Variants in CCDC183 observed in about 807,000 individuals in gnomAD.
CCDC183 encodes coiled-coil domain-containing protein 183.
A neutral mutation model predicts 65.2 loss-of-function variants in CCDC183; 63 were observed. The observed-to-expected ratio is 0.97, with a 90% confidence interval of 0.79 to 1.19. The LOEUF is 1.19. Ranked by LOEUF, CCDC183 falls within the 50% of genes most tolerant of loss-of-function variation. The pLI, the probability that CCDC183 is intolerant of heterozygous loss-of-function variation, is 0.00. For missense variants in CCDC183, 769 were observed against 689.3 expected (o/e 1.12, Z -1.30); for synonymous variants, 323 against 276.5 (o/e 1.17, Z -1.67).
At chr9:136,801,687 T>TA (rs1847738981) in intron 5 of CCDC183, among the ~76,000 whole-genome samples, 1 of 152,088 alleles carries the variant, frequency 6.6e-6, no homozygotes, top group South Asian at 2.1e-4. Context: ...GCCTGGGTGA[T>TA]AGAGTGAGAT....
rs1588336696 is a variant in CCDC183, at chr9:136,806,062, C to A, written c.949-16C>A. On this transcript the variant is annotated splice_polypyrimidine_tract_variant and intron_variant, in intron 9 of 13. Transcript: ENST00000338005. ...TCCTGGCCCACACCTGCTTCTCTCTCCCCCGGACTGGCCAGGACATCACTA... is the reference window on the plus strand; with the variant it reads ...TCCTGGCCCACACCTGCTTCTCTCTACCCCGGACTGGCCAGGACATCACTA... 6.5e-7 allele frequency: 1 copy of A among 1,546,200 alleles called. No homozygotes were observed. Among genetic ancestry groups the A allele is most frequent in the Non-Finnish European group, 8.7e-7 (1 of 1,145,446 alleles).
In CCDC183 at chr9:136,807,591, C is replaced by A. The variant is rs1847886360; in HGVS notation, c.1506C>A (p.Asp502Glu). The A allele has an allele frequency of 6.2e-7, 1 of 1,605,452 alleles. No individual in the cohort carries two copies. Among genetic ancestry groups the A allele is most frequent in the South Asian group, 1.1e-5 (1 of 89,950 alleles). The change falls in exon 14 of 14, where the codon GAC (aspartate) becomes GAA (glutamate). Residue 502 changes from aspartate (D) to glutamate (E), a missense_variant. Coordinates refer to ENST00000338005, the MANE Select transcript of CCDC183 (RefSeq NM_001039374.5). Reference sequence around the variant, plus strand: ...CCGCAGACACCTTCCAGTTCCCCGACATGGACCACAGCTACGTCCCTTCGC... The same window carrying A: ...CCGCAGACACCTTCCAGTTCCCCGAAATGGACCACAGCTACGTCCCTTCGC... The part of the protein sequence containing the change: ...EDMIDTFQFP[D>E]MDHSYVPSRA...
chr9:136,804,137 G>A lies in CCDC183; in HGVS notation c.667-365G>A. ...CGTGAGCAGGGGTTAGCAGATGACG[G>A]TTTTAGCTGCCCAAGGGCACGCTGG... is the stretch of plus-strand genomic sequence containing the variant. On this transcript the variant is annotated intron_variant, in intron 6 of 13. Coordinates refer to ENST00000338005, the MANE Select transcript of CCDC183 (RefSeq NM_001039374.5). The surrounding 1 kb of genome is among the most constrained non-coding windows in gnomAD (Gnocchi z 4.1). 3.9e-6 allele frequency: 1 copy of A among 257,312 alleles called. No individual in the cohort carries two copies. The highest frequency in any genetic ancestry group is 7.7e-6 in the Non-Finnish European group (1 of 129,262). 15.9% of individuals were successfully genotyped at this position (257,312 alleles called of 1,614,324 possible).
Position 136,807,594 on chromosome 9 carries a change from G to T in CCDC183, c.1509G>T (p.Met503Ile), listed in dbSNP as rs754755517. The change falls in exon 14 of 14, where the codon ATG (methionine) becomes ATT (isoleucine). Residue 503 changes from methionine (M) to isoleucine (I), a missense_variant. By Grantham distance (10) the Met-to-Ile change is conservative. Coordinates refer to ENST00000338005, the MANE Select transcript of CCDC183 (RefSeq NM_001039374.5). ...DMIDTFQFPDMDHSYVPSRAE... is the reference protein window; with the variant it reads ...DMIDTFQFPDIDHSYVPSRAE... ...CAGACACCTTCCAGTTCCCCGACAT[G>T]GACCACAGCTACGTCCCTTCGCGCG... 4.4e-6 allele frequency: 7 copies of T among 1,605,914 alleles called. 1 individual carries two copies. In the South Asian group the frequency reaches 7.8e-5, roughly 18 times the overall value.
chr9:136,800,578 AC>A, intron 5 of CCDC183, 85 bp downstream of exon 5: 1 of 988,406 alleles, frequency 1.0e-6, no homozygotes, highest in South Asian at 1.5e-5. Context: ...GCCGCCCCGC[AC>A]CCGCCAGGGA....
chr9:136,804,741 C>G lies in CCDC183; in HGVS notation c.793-21C>G. The G allele has an allele frequency of 6.2e-7, 1 of 1,613,580 alleles. No individual in the cohort carries two copies. Among genetic ancestry groups the G allele is most frequent in the African/African-American group, 1.3e-5 (1 of 75,008 alleles). The stretch of plus-strand genomic sequence containing the variant: ...CCTGCCAAGGATGTCTCATCCCTTC[C>G]CCGCCCCCACCTCCCATCAGGGCCA... On this transcript the variant is annotated intron_variant, in intron 7 of 13. Coordinates refer to ENST00000338005, the MANE Select transcript of CCDC183 (RefSeq NM_001039374.5). The surrounding 1 kb of genome is among the most constrained non-coding windows in gnomAD (Gnocchi z 4.1).
At chr9:136,805,128 C>T (rs1588335546) in intron 8 of CCDC183, 1 of 596,582 alleles carries the variant, frequency 1.7e-6, no homozygotes, top group East Asian at 2.8e-5. Context: ...GCTCACAGTG[C>T]TGCGCCACTC....
chr9:136,804,882 C>G lies in CCDC183; in HGVS notation c.847+66C>G, dbSNP rs1847815296. On this transcript the variant is annotated intron_variant, in intron 8 of 13. Coordinates refer to ENST00000338005, the MANE Select transcript of CCDC183 (RefSeq NM_001039374.5). This position sits in a 1 kb window ranked among gnomAD's most constrained non-coding sequence, Gnocchi z 4.1. The stretch of plus-strand genomic sequence containing the variant: ...AAGGAGAGGCTGGCACTGATTCAGG[C>G]CAACGGATCAAGTCACCCTGAGGCC... 7.0e-7 allele frequency: 1 copy of G among 1,418,642 alleles called. No individual in the cohort carries two copies. The highest frequency in any genetic ancestry group is 1.4e-5 in the African/African-American group (1 of 70,884). 87.9% of individuals were successfully genotyped at this position (1,418,642 alleles called of 1,614,324 possible).
rs1243783846 is a variant in CCDC183 at position 136,799,713 on chromosome 9, T to A, written c.193T>A (p.Tyr65Asn). 1.2e-6 allele frequency: 2 copies of A among 1,612,590 alleles called. No individual in the cohort carries two copies. Among genetic ancestry groups the A allele is most frequent in the Non-Finnish European group, 1.7e-6 (2 of 1,179,748 alleles). Residue 65 changes from tyrosine (Y) to asparagine (N), a missense_variant and splice_region_variant, in exon 3 of 14, where the codon TAT becomes AAT. By Grantham distance (143) the Tyr-to-Asn change is moderately radical (BLOSUM62 -2). Coordinates refer to ENST00000338005, the MANE Select transcript of CCDC183 (RefSeq NM_001039374.5). ...TAGCTCAGCCGCCGCCGCTCCGCAGTATGACCAGTGGACCATCTCCAAGGC... is the reference window on the plus strand; with the variant it reads ...TAGCTCAGCCGCCGCCGCTCCGCAGAATGACCAGTGGACCATCTCCAAGGC... ...GAQDWALAKK[Y>N]DQWTISKACG...
intron 5 of CCDC183, 195 bp downstream of exon 5, chr9:136,800,688 T>TG: frequency 1.7e-6 from 1 of 586,784 alleles, no homozygotes; most frequent in Middle Eastern, 4.5e-4. Flanking sequence ...AAGCATATCG[T>TG]GGGGTATATC....
rs2131143868 is a variant in CCDC183, at chr9:136,807,641, A to C, written c.1556A>C (p.Gln519Pro). The C allele has an allele frequency of 1.2e-6, 2 of 1,604,026 alleles. No individual in the cohort carries two copies. The highest frequency in any genetic ancestry group is 1.1e-5 in the South Asian group (1 of 89,682). ...PSRAEIKRQA[Q>P]RLIEGKLKAA... Reference sequence around the variant, plus strand: ...CGCGCCGAGATCAAGAGGCAGGCGCAGCGGCTAATCGAGGGGAAGCTCAAG... The same window carrying C: ...CGCGCCGAGATCAAGAGGCAGGCGCCGCGGCTAATCGAGGGGAAGCTCAAG... Residue 519 changes from glutamine (Q) to proline (P), a missense_variant, in exon 14 of 14, where the codon CAG becomes CCG. Transcript: ENST00000338005.
Position 136,800,151 on chromosome 9 carries a change from G to C in CCDC183, c.420G>C (p.Glu140Asp), listed in dbSNP as rs750524832. The change falls in exon 4 of 14, where the codon GAG (glutamate) becomes GAC (aspartate). Residue 140 changes from glutamate to aspartate, a missense_variant. Coordinates refer to ENST00000338005, the MANE Select transcript of CCDC183 (RefSeq NM_001039374.5). ...SLRSQPDASK[E>D]ELRLLQIIRQ... ...GGAGCCAGCCCGACGCCAGCAAGGAGGAGCTGCGGCTGCTGCAGGTGGAGA... is the reference window on the plus strand; with the variant it reads ...GGAGCCAGCCCGACGCCAGCAAGGACGAGCTGCGGCTGCTGCAGGTGGAGA... The C allele has an allele frequency of 2.0e-6, 3 of 1,536,678 alleles. No homozygotes were observed. In the East Asian group the frequency reaches 7.3e-5, roughly 38 times the overall value.
At position 136,806,665 on chromosome 9, in the gene CCDC183, C is replaced by T. The variant is rs768231689; in HGVS notation, c.1271C>T (p.Ala424Val). ...YVRLMGINLP[A>V]TQREVVLSNT... The stretch of plus-strand genomic sequence containing the variant: ...CGGCTGATGGGCATTAACTTGCCTG[C>T]GACCCAGGTACCGGGAGTGAGGCTG... Residue 424 changes from alanine (A) to valine (V), a missense_variant, in exon 11 of 14, where the codon GCG becomes GTG. Coordinates refer to ENST00000338005, the MANE Select transcript of CCDC183 (RefSeq NM_001039374.5). 6.2e-7 allele frequency: 1 copy of T among 1,613,410 alleles called. No individual in the cohort carries two copies. The highest frequency in any genetic ancestry group is 8.5e-7 in the Non-Finnish European group (1 of 1,179,992).
chr9:136,804,778 A>C lies in CCDC183; in HGVS notation c.809A>C (p.Asp270Ala), dbSNP rs1225461575. 2 of 1,613,290 alleles carry C rather than the reference A, an allele frequency of 1.2e-6. No individual in the cohort carries two copies. Among genetic ancestry groups the C allele is most frequent in the African/African-American group, 2.7e-5 (2 of 74,712 alleles). ...EKYRRGQMDL[D>A]FPSNLMSTET... is the part of the protein sequence containing the mutation. ...TCCCATCAGGGCCAGATGGACTTGG[A>C]CTTCCCCTCGAACCTGATGAGCACG... The change falls in exon 8 of 14, where the codon GAC becomes GCC. Residue 270 changes from aspartate (D) to alanine (A), a missense_variant. Physicochemically the swap from Asp to Ala is moderately radical, Grantham distance 126. Coordinates refer to ENST00000338005, the MANE Select transcript of CCDC183 (RefSeq NM_001039374.5). This position sits in a 1 kb window ranked among gnomAD's most constrained non-coding sequence, Gnocchi z 4.1.
chr9:136,804,253 AGCTGGGGGCCAGCG>A lies in CCDC183; in HGVS notation c.667-243_667-230del. 4.0e-6 allele frequency: 2 copies of A among 497,998 alleles called. No individual in the cohort carries two copies. Among genetic ancestry groups the A allele is most frequent in the Non-Finnish European group, 7.3e-6 (2 of 275,106 alleles). 30.8% of individuals were successfully genotyped at this position (497,998 alleles called of 1,614,324 possible). ...TTCTAGGTGGACCTGGCCAGGAGGC[AGCTGGGGGCCAGCG>A]GCTGGAGGGCAGCAGAGCGTCTGGG... On this transcript the variant is annotated intron_variant, in intron 6 of 13. Transcript: ENST00000338005. This position sits in a 1 kb window ranked among gnomAD's most constrained non-coding sequence, Gnocchi z 4.1.
chr9:136,807,069 A>G lies in CCDC183; in HGVS notation c.1486+3A>G, dbSNP rs747160785. 6.2e-7 allele frequency: 1 copy of G among 1,612,838 alleles called. No homozygotes were observed. Among genetic ancestry groups the G allele is most frequent in the South Asian group, 1.1e-5 (1 of 91,032 alleles). On this transcript the variant is annotated splice_donor_region_variant and intron_variant, in intron 13 of 13. Coordinates refer to ENST00000338005, the MANE Select transcript of CCDC183 (RefSeq NM_001039374.5). ...GAACCGGGAGGAGGATATGATCGGT[A>G]CAGGCCCCGGAACTGGGGCCCGGGC... is the stretch of plus-strand genomic sequence containing the variant.
At chr9:136,805,111 CCACAGTGCT>C (rs1339856751) in intron 8 of CCDC183, 16 of 594,046 alleles carry the variant, frequency 2.7e-5, no homozygotes, top group African/African-American at 1.1e-4. Context: ...ACCACCGGGC[CCACAGTGCT>C]CACAGTGCTG....
intron 13 of CCDC183, 68 bp from the exon 14 acceptor site, chr9:136,807,502 CGA>C: frequency 6.7e-7 from 1 of 1,483,532 alleles, no homozygotes; most frequent in Non-Finnish European, 9.0e-7. Flanking sequence ...AGGGCGGGGG[CGA>C]GAGGCGGGTC....
At chr9:136,797,014 A>T (rs1356021644) in intron 1 of CCDC183, among the ~76,000 whole-genome samples, 1 of 152,200 alleles carries the variant, frequency 6.6e-6, no homozygotes, top group Non-Finnish European at 1.5e-5. Flanking sequence ...AGAGGAAGGC[A>T]TCTGTCTCCT....
Sources: gnomAD v4.1 joint callset for allele counts (sites outside exome capture counted in the v4.1 genomes callset) on GRCh38, gnomAD v4.1.1 for gene constraint, Gnocchi (gnomAD v3.1) non-coding constraint, MANE v1.5 for transcripts, NCBI Gene and HGNC (gene_info 2026-07-23, HGNC 2026-07-21) for gene names.